Variants in ASPRV1 observed in about 807,000 individuals in gnomAD.
ASPRV1 encodes retroviral-like aspartic protease 1.
ASPRV1 carries 7 observed loss-of-function variants against 11.0 expected under a neutral mutation model. The observed-to-expected ratio is 0.64, with a 90% CI of 0.36 to 1.20. The LOEUF (loss-of-function observed/expected upper bound fraction) is 1.20, where lower values mean the gene tolerates loss of function less well. Among genes scored for constraint, ASPRV1 ranks in the 50% most tolerant of loss-of-function variants. The pLI is 0.02. For synonymous variants in ASPRV1, 136 were observed against 138.4 expected (o/e 0.98, Z 0.12); for missense variants, 299 against 320.0 (o/e 0.93, Z 0.50).
At chr2:70,084,992 G>A in the ASPRV1 span, among the ~76,000 whole-genome samples, 1 of 152,140 alleles carries the variant, frequency 6.6e-6, no homozygotes, top group Admixed American at 6.6e-5. Flanking sequence ...CACAATCAGA[G>A]CCCTGCTCAG....
the ASPRV1 span, among the ~76,000 whole-genome samples, chr2:70,002,719 G>A: frequency 6.6e-6 from 1 of 152,158 alleles, no homozygotes; most frequent in South Asian, 2.1e-4. Flanking sequence ...TGATCCAAGG[G>A]AGCACTTCCC....
chr2:70,071,366 A>G, the ASPRV1 span, among the ~76,000 whole-genome samples: 2 of 152,370 alleles, frequency 1.3e-5, no homozygotes, highest in East Asian at 3.9e-4. Flanking sequence ...TATGTCTTAC[A>G]CATAGGAAGA....
chr2:70,052,220 G>A, the ASPRV1 span, among the ~76,000 whole-genome samples: 1 of 152,062 alleles, frequency 6.6e-6, no homozygotes, highest in Non-Finnish European at 1.5e-5. Context: ...CTTGTTACGG[G>A]AGTCAAAGAA....
the ASPRV1 span, among the ~76,000 whole-genome samples, chr2:70,009,892 G>C: frequency 6.6e-6 from 1 of 152,166 alleles, no homozygotes; most frequent in Admixed American, 6.5e-5. Context: ...GTATCTGTAG[G>C]GCGAAGCCCC....
At chr2:70,029,146 C>T in the ASPRV1 span, among the ~76,000 whole-genome samples, 1 of 151,898 alleles carries the variant, frequency 6.6e-6, no homozygotes, top group African/African-American at 2.4e-5. Context: ...GTATCTGGGG[C>T]TTAGGAGTGG....
chr2:70,038,078 A>T, the ASPRV1 span, among the ~76,000 whole-genome samples: 2 of 152,150 alleles, frequency 1.3e-5, no homozygotes, highest in Non-Finnish European at 2.9e-5. Flanking sequence ...TGCTGCTTTT[A>T]TTGTTGCTTT....
At chr2:70,014,281 C>T in the ASPRV1 span, among the ~76,000 whole-genome samples, 1 of 152,088 alleles carries the variant, frequency 6.6e-6, no homozygotes, top group Non-Finnish European at 1.5e-5. Flanking sequence ...TATGGCTTAA[C>T]ATTGAGGATA....
the ASPRV1 span, among the ~76,000 whole-genome samples, chr2:70,026,680 CAAT>C: frequency 1.3e-5 from 2 of 151,438 alleles, no homozygotes; most frequent in Non-Finnish European, 2.9e-5. Flanking sequence ...AACTATAAAA[CAAT>C]GATGAAAGAA....
At chr2:70,052,738 G>C in the ASPRV1 span, among the ~76,000 whole-genome samples, 44 of 152,188 alleles carry the variant, frequency 2.9e-4, no homozygotes, top group Non-Finnish European at 6.0e-4. Context: ...ATCTGGATGG[G>C]ATTCCTCTTA....
At chr2:70,084,066 A>C in the ASPRV1 span, among the ~76,000 whole-genome samples, 1 of 152,014 alleles carries the variant, frequency 6.6e-6, no homozygotes, top group African/African-American at 2.4e-5. Flanking sequence ...AACTGTTAAG[A>C]CTCTCGGGGA....
At chr2:69,954,913 A>C in the ASPRV1 span, among the ~76,000 whole-genome samples, 1 of 152,196 alleles carries the variant, frequency 6.6e-6, no homozygotes, top group African/African-American at 2.4e-5. Context: ...AGAGACAGGA[A>C]GAGCACCACA....
the ASPRV1 span, among the ~76,000 whole-genome samples, chr2:69,978,302 G>A: frequency 9.2e-5 from 14 of 152,190 alleles, no homozygotes; most frequent in South Asian, 2.1e-4. Flanking sequence ...AGTTTTCCCA[G>A]GCTGGTTCTG....
At chr2:69,951,674 T>TA in the ASPRV1 span, among the ~76,000 whole-genome samples, 17 of 151,186 alleles carry the variant, frequency 1.1e-4, no homozygotes, top group African/African-American at 3.9e-4. Flanking sequence ...CTTTTGCAAT[T>TA]AAAAAAAATA....
At chr2:69,983,926 C>T in the ASPRV1 span, among the ~76,000 whole-genome samples, 1 of 152,224 alleles carries the variant, frequency 6.6e-6, no homozygotes, top group Admixed American at 6.5e-5. Flanking sequence ...GAGACTAGCA[C>T]TGCCTCTGCC....
the ASPRV1 span, among the ~76,000 whole-genome samples, chr2:69,953,620 A>G: frequency 4.6e-5 from 7 of 152,338 alleles, 1 homozygote. Context: ...CAGGGTAAAA[A>G]GAGCTCACCA....
chr2:69,957,969 C>G (rs926994244), downstream of ASPRV1, among the ~76,000 whole-genome samples: 2 of 152,138 alleles, frequency 1.3e-5, no homozygotes, highest in African/African-American at 2.4e-5. Flanking sequence ...CATCCTATAC[C>G]CAGAAGGCAG....
chr2:69,950,607 C>G, the ASPRV1 span, among the ~76,000 whole-genome samples: 1 of 151,598 alleles, frequency 6.6e-6, no homozygotes, highest in Non-Finnish European at 1.5e-5. Flanking sequence ...TTTGGGAGGC[C>G]AAGGCGGGTG....
chr2:70,000,819 A>G, the ASPRV1 span, among the ~76,000 whole-genome samples: 2 of 143,760 alleles, frequency 1.4e-5, no homozygotes, highest in Non-Finnish European at 3.1e-5. Flanking sequence ...AAAAAAAAAG[A>G]AAGAAAAAGA....
the ASPRV1 span, among the ~76,000 whole-genome samples, chr2:70,027,698 GGA>G: frequency 6.6e-6 from 1 of 152,184 alleles, no homozygotes; most frequent in Admixed American, 6.5e-5. Flanking sequence ...AGGAAGGGTA[GGA>G]GAGAGACTGA....
Sources: allele counts gnomAD v4.1 joint callset (sites outside exome capture counted in the v4.1 genomes callset), GRCh38; gene constraint gnomAD v4.1.1; transcripts MANE v1.5; gene names NCBI Gene and HGNC (gene_info 2026-07-23, HGNC 2026-07-21).